Variants in C11orf97 observed in about 807,000 individuals in gnomAD.
C11orf97 encodes uncharacterized protein C11orf97.
A neutral mutation model predicts 16.2 loss-of-function variants in C11orf97; 15 were observed. That is an observed-to-expected ratio of 0.93 (90% CI 0.62 to 1.43). The LOEUF is 1.43. Among genes scored for constraint, C11orf97 ranks in the 40% most tolerant of loss-of-function variants. C11orf97 has a pLI of 0.00. For synonymous variants in C11orf97, 61 were observed against 65.7 expected, an observed-to-expected ratio of 0.93 and a Z score of 0.34; for missense variants, 171 against 161.2, an observed-to-expected ratio of 1.06 and a Z score of -0.33.
intron 2 of C11orf97, 95 bp from the exon 3 acceptor site, chr11:94,527,985 CAAAT>C (rs1191817744): frequency 4.2e-6 from 5 of 1,195,114 alleles, no homozygotes; most frequent in Non-Finnish European, 5.6e-6. Flanking sequence ...AACCCCCACC[CAAAT>C]AAATAAAAAA....
intron 2 of C11orf97, among the ~76,000 whole-genome samples, chr11:94,523,456 C>T (rs1056512378): frequency 6.6e-6 from 1 of 152,126 alleles, no homozygotes; most frequent in African/African-American, 2.4e-5. Flanking sequence ...TTTCCTTAAC[C>T]ATAGATAAAA....
intron 1 of C11orf97, among the ~76,000 whole-genome samples, chr11:94,517,097 G>T (rs925154376): frequency 6.6e-6 from 1 of 152,272 alleles, no homozygotes; most frequent in Non-Finnish European, 1.5e-5. Flanking sequence ...GTCCATAAGT[G>T]GTTCACTACT....
chr11:94,529,531 T>G (rs1218007596), intron 3 of C11orf97, among the ~76,000 whole-genome samples: 1 of 152,198 alleles, frequency 6.6e-6, no homozygotes, highest in African/African-American at 2.4e-5. Context: ...CATGATCATA[T>G]GAGTTGAGGA....
At position 94,528,203 on chromosome 11, in the gene C11orf97, C is replaced by G. The variant is rs1483362893; in HGVS notation, c.370C>G (p.Leu124Val). 1.3e-6 allele frequency: 2 copies of G among 1,533,716 alleles called. No individual in the cohort carries two copies. Among genetic ancestry groups the G allele is most frequent in the African/African-American group, 2.7e-5 (2 of 72,872 alleles). Residue 124 changes from leucine (L) to valine (V), a missense_variant, in exon 3 of 4, where the codon CTC (leucine) becomes GTC (valine). Coordinates refer to ENST00000542198, the MANE Select transcript of C11orf97 (RefSeq NM_001190462.2). ...CAAGTACTACTCCAGGCACGGAGGA[C>G]TCAGAAGTAAGACCCTGATGCCCTT... ...QAKYYSRHGG[L>V]RR is the part of the protein sequence containing the mutation.
intron 1 of C11orf97, among the ~76,000 whole-genome samples, 186 bp from the exon 2 acceptor site, chr11:94,517,397 G>A (rs1947619273): frequency 6.6e-6 from 1 of 152,324 alleles, no homozygotes; most frequent in South Asian, 2.1e-4. Context: ...AAAACGTGAA[G>A]TCCCAAAAGA....
chr11:94,515,485 T>A (rs2135177229), intron 1 of C11orf97, among the ~76,000 whole-genome samples: 1 of 152,280 alleles, frequency 6.6e-6, no homozygotes, highest in South Asian at 2.1e-4. Flanking sequence ...CAAACTGCTA[T>A]GGTAGAGTTT....
intron 2 of C11orf97, among the ~76,000 whole-genome samples, chr11:94,518,006 G>A (rs1385861681): frequency 2.6e-5 from 4 of 151,940 alleles, no homozygotes; most frequent in Admixed American, 2.0e-4. Context: ...AAAATTAGCC[G>A]GGTATGGTGG....
chr11:94,526,568 A>G (rs948149967), intron 2 of C11orf97, among the ~76,000 whole-genome samples: 3 of 152,224 alleles, frequency 2.0e-5, no homozygotes, highest in Non-Finnish European at 4.4e-5. Context: ...AGTGTCAACC[A>G]CAAGTTCAAA....
chr11:94,513,981 C>T (rs985989685), intron 1 of C11orf97, among the ~76,000 whole-genome samples: 8 of 152,064 alleles, frequency 5.3e-5, no homozygotes, highest in Non-Finnish European at 1.0e-4. Context: ...CTAATGTTTT[C>T]GCATTTTTAG....
chr11:94,515,288 C>A (rs1297259483), intron 1 of C11orf97, among the ~76,000 whole-genome samples: 1 of 151,378 alleles, frequency 6.6e-6, no homozygotes, highest in Non-Finnish European at 1.5e-5. Context: ...TTGTTATTAG[C>A]TCTCAGGAAA....
In C11orf97 at chr11:94,531,889, A is replaced by G; in HGVS notation, c.377-7A>G. ...ACTTATTTTTTCACTTTTTTTTTTAACTCTAGGATAAGATGAATTAGATTT... is the reference window on the plus strand; with the variant it reads ...ACTTATTTTTTCACTTTTTTTTTTAGCTCTAGGATAAGATGAATTAGATTT... On this transcript the variant is annotated splice_region_variant and splice_polypyrimidine_tract_variant and intron_variant, in intron 3 of 3. Transcript: ENST00000542198. 1 of 1,457,508 alleles carries G rather than the reference A, an allele frequency of 6.9e-7. No homozygotes were observed. The highest frequency in any genetic ancestry group is 9.0e-7 in the Non-Finnish European group (1 of 1,105,458). 90.3% of individuals were successfully genotyped at this position (1,457,508 alleles called of 1,614,324 possible). A position where few individuals can be genotyped will look rare whatever the true frequency, so the allele number is the denominator to read the frequency against.
intron 2 of C11orf97, among the ~76,000 whole-genome samples, chr11:94,518,802 T>C (rs1565252565): frequency 6.6e-6 from 1 of 152,224 alleles, no homozygotes; most frequent in Non-Finnish European, 1.5e-5. Flanking sequence ...TGGAGAATTG[T>C]TGGTCAACCT....
chr11:94,514,383 T>A (rs1947593214), intron 1 of C11orf97, among the ~76,000 whole-genome samples: 1 of 152,190 alleles, frequency 6.6e-6, no homozygotes, highest in Admixed American at 6.5e-5. Context: ...TTTTAGGGAC[T>A]CAGCCTAAGT....
At chr11:94,527,973 TA>T in intron 2 of C11orf97, 110 bp from the exon 3 acceptor site, 3 of 1,072,338 alleles carry the variant, frequency 2.8e-6, no homozygotes, top group Non-Finnish European at 3.9e-6. Flanking sequence ...TCAAACCAAA[TA>T]AACCCCCACC....
chr11:94,531,206 A>G (rs7945897), intron 3 of C11orf97, among the ~76,000 whole-genome samples: 42,584 of 151,992 alleles, frequency 0.28, 6,683 homozygotes, highest in African/African-American at 0.42. Context: ...CTGGGAGGCC[A>G]AGGCGGGCAG....
intron 3 of C11orf97, among the ~76,000 whole-genome samples, chr11:94,530,186 C>T (rs922171370): frequency 5.3e-5 from 8 of 152,248 alleles, no homozygotes; most frequent in Non-Finnish European, 8.8e-5. Context: ...TCATGGCTCC[C>T]GCTCATTTGT....
intron 3 of C11orf97, among the ~76,000 whole-genome samples, 199 bp from the exon 4 acceptor site, chr11:94,531,697 C>T (rs1429557347): frequency 1.3e-5 from 2 of 151,978 alleles, no homozygotes; most frequent in African/African-American, 2.4e-5. Context: ...GCTGCTTGTC[C>T]GGAAACTATG....
At chr11:94,523,850 G>T (rs1463711193) in intron 2 of C11orf97, among the ~76,000 whole-genome samples, 1 of 152,148 alleles carries the variant, frequency 6.6e-6, no homozygotes, top group African/African-American at 2.4e-5. Flanking sequence ...GTTAATAAGG[G>T]CTGTGAAGAC....
chr11:94,532,046 A>G lies in C11orf97; in HGVS notation c.*146A>G. 2.0e-6 allele frequency: 1 copy of G among 488,586 alleles called. No individual in the cohort carries two copies. The highest frequency in any genetic ancestry group is 3.3e-6 in the Non-Finnish European group (1 of 301,712). The allele number at this position is 488,586 out of a possible 1,614,324, so 30.3% of individuals were successfully genotyped here. A position where few individuals can be genotyped will look rare whatever the true frequency, so the allele number is the denominator to read the frequency against. ...CTATTATTGGTATTAATACCTATCT[A>G]TAAATTAATCCAAAGTAATGAAAGA... is the stretch of plus-strand genomic sequence containing the variant. On this transcript the variant is annotated 3_prime_UTR_variant, in exon 4 of 4. Transcript: ENST00000542198.
Sources: gnomAD v4.1 joint callset for allele counts (sites outside exome capture counted in the v4.1 genomes callset) on GRCh38, gnomAD v4.1.1 for gene constraint, MANE v1.5 for transcripts, NCBI Gene and HGNC (gene_info 2026-07-23, HGNC 2026-07-21) for gene names.